The following CNTNAP4 variants were observed in gnomAD, a reference collection of about 807,000 sequenced individuals.
The protein encoded by CNTNAP4 is contactin-associated protein-like 4.
Under a neutral mutation model 148.4 loss-of-function variants are expected in CNTNAP4, and 98 were observed. The ratio of observed to expected loss-of-function variants is 0.66; its 90% CI spans 0.56 to 0.78. The LOEUF (loss-of-function observed/expected upper bound fraction) is 0.78. Ranked by LOEUF, CNTNAP4 falls within the 30% of genes least tolerant of loss-of-function variation. The pLI is 0.00. For synonymous variants in CNTNAP4, 730 were observed against 565.1 expected (o/e 1.29, Z -4.14); for missense variants, 1,935 against 1,565.6 (o/e 1.24, Z -3.98).
intron 2 of CNTNAP4, among the ~76,000 whole-genome samples, chr16:76,342,673 C>T (rs1020042265): frequency 2.0e-5 from 3 of 151,774 alleles, no homozygotes; most frequent in African/African-American, 4.8e-5. Context: ...GGGGTTTCAC[C>T]GTATTAGCCA....
At chr16:76,416,673 T>C (rs1258710793) in intron 3 of CNTNAP4, among the ~76,000 whole-genome samples, 1 of 151,488 alleles carries the variant, frequency 6.6e-6, no homozygotes, top group East Asian at 1.9e-4. Context: ...ATGGTGAATG[T>C]TCCATGTGAG....
chr16:76,487,152 A>T (rs2082056761), intron 12 of CNTNAP4, among the ~76,000 whole-genome samples: 1 of 152,208 alleles, frequency 6.6e-6, no homozygotes, highest in Non-Finnish European at 1.5e-5. Flanking sequence ...CAATGTATAG[A>T]ATTATATAAC....
chr16:76,500,523 G>T (rs1597748075), intron 15 of CNTNAP4, among the ~76,000 whole-genome samples: 1 of 151,924 alleles, frequency 6.6e-6, no homozygotes, highest in Non-Finnish European at 1.5e-5. Context: ...ATTTCCTACT[G>T]TTAGGCCTGG....
rs1026016066 is a variant in CNTNAP4, at chr16:76,309,856, T to C, written c.86-6557T>C. On this transcript the variant is annotated intron_variant, in intron 1 of 23. Transcript: ENST00000611870. ...GGTTTCCGCTTTTGCTGCTTCCTCA[T>C]TTTCTCTTGCAGCCGCCATGATTCT... is the stretch of plus-strand genomic sequence containing the variant. The C allele has an allele frequency of 1.1e-5, 8 of 701,138 alleles. No individual in the cohort carries two copies. The Middle Eastern group carries it at 8.4e-4, about 74-fold the overall frequency. 43.4% of individuals were successfully genotyped at this position (701,138 alleles called of 1,614,324 possible). A position where few individuals can be genotyped will look rare whatever the true frequency, so the allele number is the denominator to read the frequency against.
intron 15 of CNTNAP4, among the ~76,000 whole-genome samples, chr16:76,501,153 C>G (rs1290610830): frequency 6.6e-6 from 1 of 152,212 alleles, no homozygotes; most frequent in African/African-American, 2.4e-5. Flanking sequence ...ACTTCCTGTT[C>G]TACCAGTGAG....
At chr16:76,490,522 T>C (rs953417595) in intron 13 of CNTNAP4, among the ~76,000 whole-genome samples, 1 of 152,216 alleles carries the variant, frequency 6.6e-6, no homozygotes, top group Non-Finnish European at 1.5e-5. Flanking sequence ...CAGTAAGCCT[T>C]CATGAGCTAA....
intron 15 of CNTNAP4, among the ~76,000 whole-genome samples, chr16:76,516,097 C>G (rs960981844): frequency 2.0e-5 from 3 of 151,400 alleles, no homozygotes; most frequent in Non-Finnish European, 4.4e-5. Context: ...CCCCTTGCCC[C>G]CCACCCCCCA....
At chr16:76,350,706 T>G (rs1430099063) in intron 2 of CNTNAP4, among the ~76,000 whole-genome samples, 2 of 152,216 alleles carry the variant, frequency 1.3e-5, no homozygotes, top group Non-Finnish European at 2.9e-5. Flanking sequence ...TGATGTTTGT[T>G]GAATGTGGGA....
At chr16:76,322,409 CCTT>C (rs1218555141) in intron 2 of CNTNAP4, among the ~76,000 whole-genome samples, 24 of 152,308 alleles carry the variant, frequency 1.6e-4, no homozygotes, top group Non-Finnish European at 3.1e-4. Context: ...CTTCCACTCT[CCTT>C]CTTCTCTTTC....
chr16:76,316,211 A>G, intron 1 of CNTNAP4: 3 of 600,654 alleles, frequency 5.0e-6, no homozygotes, highest in Non-Finnish European at 5.9e-6. Context: ...AAGTATTTTC[A>G]TATTCTCCTG....
intron 1 of CNTNAP4, among the ~76,000 whole-genome samples, chr16:76,311,068 G>T (rs1366082270): frequency 6.6e-6 from 1 of 152,072 alleles, no homozygotes; most frequent in Non-Finnish European, 1.5e-5. Flanking sequence ...AAAGCACTGA[G>T]AACGTAGCAC....
At chr16:76,482,687 A>G (rs1423524677) in intron 12 of CNTNAP4, among the ~76,000 whole-genome samples, 2 of 152,200 alleles carry the variant, frequency 1.3e-5, no homozygotes, top group Non-Finnish European at 2.9e-5. Context: ...ATTGCCTCAT[A>G]CACCAAAACA....
At chr16:76,406,143 C>G (rs1745953005) in intron 3 of CNTNAP4, among the ~76,000 whole-genome samples, 1 of 152,138 alleles carries the variant, frequency 6.6e-6, no homozygotes, top group Non-Finnish European at 1.5e-5. Context: ...ACAGCATGTG[C>G]TCACTTTGTG....
At position 76,461,960 on chromosome 16, in the gene CNTNAP4, C is replaced by T. The variant is rs557613459; in HGVS notation, c.1338C>T (p.Val446=). ...TAACTGATTTCATCTCCCTAGGTGT[C>T]GAATTAAATGATGGGCAGTGGCATT... ...GKLPSDITAG[V]ELNDGQWHSV... Residue 446 remains valine (V), a synonymous_variant, in exon 9 of 24, where the codon GTC becomes GTT. Transcript: ENST00000611870. 1.5e-5 allele frequency: 25 copies of T among 1,613,282 alleles called. No homozygotes were observed. Among genetic ancestry groups the T allele is most frequent in the African/African-American group, 1.1e-4 (8 of 74,982 alleles).
chr16:76,346,293 T>C (rs1415551926), intron 2 of CNTNAP4, among the ~76,000 whole-genome samples: 2 of 152,098 alleles, frequency 1.3e-5, no homozygotes, highest in African/African-American at 4.8e-5. Context: ...TATGCCCTAG[T>C]AATGCCGGCT....
intron 3 of CNTNAP4, among the ~76,000 whole-genome samples, chr16:76,422,145 C>T (rs1404146770): frequency 5.9e-5 from 9 of 152,076 alleles, no homozygotes; most frequent in Non-Finnish European, 2.9e-5. Flanking sequence ...AAATACATTC[C>T]TAAATTGTCT....
At chr16:76,417,960 T>A (rs114623435) in intron 3 of CNTNAP4, among the ~76,000 whole-genome samples, 3 of 151,772 alleles carry the variant, frequency 2.0e-5, no homozygotes, top group Non-Finnish European at 4.4e-5. Flanking sequence ...AAAAGTCCAA[T>A]GTAAGTTTTA....
chr16:76,500,086 C>T (rs896528783), intron 15 of CNTNAP4, among the ~76,000 whole-genome samples: 4 of 152,166 alleles, frequency 2.6e-5, no homozygotes, highest in South Asian at 2.1e-4. Context: ...ACCTCCCTGA[C>T]GGGGTGGCGG....
intron 4 of CNTNAP4, among the ~76,000 whole-genome samples, chr16:76,443,517 G>A (rs1434757797): frequency 6.6e-6 from 1 of 152,058 alleles, no homozygotes; most frequent in Non-Finnish European, 1.5e-5. Flanking sequence ...CTTGAGCCTC[G>A]GAGGTCAGGG....
Sources: gnomAD v4.1 joint callset for allele counts (sites outside exome capture counted in the v4.1 genomes callset) on GRCh38, gnomAD v4.1.1 for gene constraint, MANE v1.5 for transcripts, NCBI Gene and HGNC (gene_info 2026-07-23, HGNC 2026-07-21) for gene names.